KATNIP: variants seen among roughly 807,000 people sequenced by gnomAD.
The protein encoded by KATNIP is katanin-interacting protein.
Under a neutral mutation model 174.0 loss-of-function variants are expected in KATNIP, and 126 were observed. The ratio of observed to expected loss-of-function variants is 0.72; its 90% CI spans 0.63 to 0.84. KATNIP has a LOEUF of 0.84. Ranked by LOEUF, KATNIP falls within the 40% of genes least tolerant of loss-of-function variation. The pLI, the probability that KATNIP is intolerant of heterozygous loss-of-function variation, is 0.00. For synonymous variants in KATNIP, 810 were observed against 835.7 expected, an observed-to-expected ratio of 0.97 and a Z score of 0.53; for missense variants, 1,958 against 2,109.7, an observed-to-expected ratio of 0.93 and a Z score of 1.41.
chr16:27,578,694 C>G (rs2090588640), intron 2 of KATNIP, among the ~76,000 whole-genome samples: 1 of 152,186 alleles, frequency 6.6e-6, no homozygotes, highest in Non-Finnish European at 1.5e-5. Context: ...CCTTCTGCCT[C>G]AGCTTCCCAA....
intron 20 of KATNIP, among the ~76,000 whole-genome samples, chr16:27,768,537 GC>G (rs2082193835): frequency 6.6e-6 from 1 of 152,180 alleles, no homozygotes; most frequent in African/African-American, 2.4e-5. Context: ...CTAGCTCCAA[GC>G]CCAGCAGAAG....
chr16:27,735,249 C>T (rs1567367951), intron 14 of KATNIP, among the ~76,000 whole-genome samples: 1 of 152,134 alleles, frequency 6.6e-6, no homozygotes, highest in Non-Finnish European at 1.5e-5. Context: ...CTCTCAGTTC[C>T]CTCTCCGCCA....
rs552235172 is a variant in KATNIP at position 27,552,723 on chromosome 16, T to G, written c.7+2546T>G. Among the ~76,000 whole-genome samples the G allele has an allele frequency of 2.5e-3, 340 of 133,804 alleles. 1 individual carries two copies. The highest frequency in any genetic ancestry group is 8.8e-3 in the African/African-American group (311 of 35,264). 87.8% of individuals were successfully genotyped at this position (133,804 alleles called of 152,430 possible). On this transcript the variant is annotated intron_variant, in intron 1 of 27. Coordinates refer to ENST00000261588, the MANE Select transcript of KATNIP (RefSeq NM_015202.5). ...TTTTTTTTTTTTTGAGACGGGAGTT[T>G]TGCCGTCGTTGCCCAGGCTGGAGTG...
rs1269069087 is a variant in KATNIP, at chr16:27,702,297, T to A, written c.1286+602T>A. 3.3e-5 allele frequency among the ~76,000 whole-genome samples: 5 copies of A among 152,176 alleles called. 1 individual carries two copies. In the South Asian group the frequency reaches 1.0e-3, roughly 32 times the overall value. On this transcript the variant is annotated intron_variant, in intron 11 of 27. Transcript: ENST00000261588. ...TCCCCAGCTGGTCTAGGGGGCGAGG[T>A]TGGCCCACAGCAGCGTCCTTCGAAG...
chr16:27,618,009 T>G (rs987409677), intron 2 of KATNIP, among the ~76,000 whole-genome samples: 2 of 152,104 alleles, frequency 1.3e-5, no homozygotes, highest in African/African-American at 2.4e-5. Flanking sequence ...AAGTGCTAGT[T>G]TTACAGGCAT....
chr16:27,692,924 C>A (rs1415030508), intron 8 of KATNIP, among the ~76,000 whole-genome samples: 1 of 152,200 alleles, frequency 6.6e-6, no homozygotes, highest in East Asian at 1.9e-4. Context: ...GTGGATAACT[C>A]ATTTCTGCGT....
At chr16:27,672,854 A>T (rs2077970360) in intron 6 of KATNIP, among the ~76,000 whole-genome samples, 1 of 152,212 alleles carries the variant, frequency 6.6e-6, no homozygotes, top group Non-Finnish European at 1.5e-5. Flanking sequence ...TCAACTGACC[A>T]TGGGTTCAAG....
At position 27,690,315 on chromosome 16, in the gene KATNIP, CAGATAGAT is replaced by C. The variant is rs3056270; in HGVS notation, c.941-7972_941-7965del. Among the ~76,000 whole-genome samples the C allele has an allele frequency of 5.8e-3, 745 of 128,730 alleles. 4 individuals are homozygous for C. The highest frequency in any genetic ancestry group is 7.3e-3 in the Non-Finnish European group (443 of 60,876). The allele number at this position is 128,730 out of a possible 152,430, so 84.5% of individuals were successfully genotyped here. The stretch of plus-strand genomic sequence containing the variant: ...CGGGTGACAGAGTGAGACCCCATCT[CAGATAGAT>C]AGATAGATAGATAGATAGATAGATA... On this transcript the variant is annotated intron_variant, in intron 8 of 27. Coordinates refer to ENST00000261588, the MANE Select transcript of KATNIP (RefSeq NM_015202.5).
intron 14 of KATNIP, among the ~76,000 whole-genome samples, chr16:27,729,003 ACTGACTCAGTAG>A (rs1253059142): frequency 6.6e-6 from 1 of 152,224 alleles, no homozygotes; most frequent in Non-Finnish European, 1.5e-5. Flanking sequence ...TCCTGCCAGG[ACTGACTCAGTAG>A]CTGAGCCTGT....
In KATNIP at chr16:27,614,815, G is replaced by A. The variant is rs556220722; in HGVS notation, c.64-3610G>A. ...GGGAAGTCGGGAAGGAAAAGTAGAG[G>A]CTCCAGGGGAAGATGGAAGCAGATG... On this transcript the variant is annotated intron_variant, in intron 2 of 27. Transcript: ENST00000261588. 5.3e-5 allele frequency among the ~76,000 whole-genome samples: 8 copies of A among 152,286 alleles called. No individual in the cohort carries two copies. In the South Asian group the frequency reaches 8.3e-4, roughly 16 times the overall value.
intron 14 of KATNIP, among the ~76,000 whole-genome samples, chr16:27,729,873 C>A (rs939339636): frequency 6.6e-6 from 1 of 152,212 alleles, no homozygotes. Flanking sequence ...CAATCCAGCT[C>A]GTCCCTCCCC....
intron 1 of KATNIP, among the ~76,000 whole-genome samples, chr16:27,556,782 A>G (rs930079574): frequency 1.3e-5 from 2 of 152,196 alleles, no homozygotes; most frequent in Non-Finnish European, 2.9e-5. Context: ...CCCAGCAAAA[A>G]AAATAATAAA....
intron 2 of KATNIP, among the ~76,000 whole-genome samples, chr16:27,588,528 T>A (rs2141842487): frequency 6.6e-6 from 1 of 152,142 alleles, no homozygotes; most frequent in East Asian, 1.9e-4. Context: ...CAGGCTGGAG[T>A]GCAGTGGTAC....
intron 9 of KATNIP, 89 bp from the exon 10 acceptor site, chr16:27,699,445 T>C: frequency 6.4e-7 from 1 of 1,566,110 alleles, no homozygotes; most frequent in South Asian, 1.2e-5. Context: ...AGAAGGTCCC[T>C]GCCCTTTTCT....
At chr16:27,591,921 A>G (rs1361385616) in intron 2 of KATNIP, among the ~76,000 whole-genome samples, 1 of 152,134 alleles carries the variant, frequency 6.6e-6, no homozygotes, top group East Asian at 1.9e-4. Flanking sequence ...CATTTTTTCA[A>G]GCTACTCTTG....
In KATNIP at chr16:27,728,507, G is replaced by A. The variant is rs554948669; in HGVS notation, c.1743+6812G>A. On this transcript the variant is annotated intron_variant, in intron 14 of 27. Coordinates refer to ENST00000261588, the MANE Select transcript of KATNIP (RefSeq NM_015202.5). Reference sequence around the variant, plus strand: ...GTGCAGTGGCCTGATCTCAGCTCACGGCAAACTCTACCCCCTGGGTTCAAG... The same window carrying A: ...GTGCAGTGGCCTGATCTCAGCTCACAGCAAACTCTACCCCCTGGGTTCAAG... Among the ~76,000 whole-genome samples, 9 of 152,178 alleles carry A rather than the reference G, an allele frequency of 5.9e-5. No individual in the cohort carries two copies. The East Asian group carries it at 9.7e-4, about 16-fold the overall frequency.
At chr16:27,579,809 C>T (rs890906219) in intron 2 of KATNIP, among the ~76,000 whole-genome samples, 2 of 152,138 alleles carry the variant, frequency 1.3e-5, no homozygotes, top group Non-Finnish European at 2.9e-5. Flanking sequence ...AGTCATTGAA[C>T]TCACCCAACT....
At chr16:27,689,591 G>A (rs2078642263) in intron 8 of KATNIP, among the ~76,000 whole-genome samples, 1 of 152,088 alleles carries the variant, frequency 6.6e-6, no homozygotes, top group Non-Finnish European at 1.5e-5. Flanking sequence ...TGATGACAGG[G>A]CTGCAGACAG....
At chr16:27,685,359 C>G (rs932494006) in intron 8 of KATNIP, 4 of 151,990 alleles carry the variant, frequency 2.6e-5, no homozygotes, top group African/African-American at 9.7e-5. Context: ...CCACTGTACT[C>G]CAGCCTGGGC....
Sources: allele counts gnomAD v4.1 joint callset (sites outside exome capture counted in the v4.1 genomes callset), GRCh38; gene constraint gnomAD v4.1.1; transcripts MANE v1.5; gene names NCBI Gene and HGNC (gene_info 2026-07-23, HGNC 2026-07-21).